The following SRGAP1 variants were observed in gnomAD, a reference collection of about 807,000 sequenced individuals.
SRGAP1 encodes SLIT-ROBO Rho GTPase-activating protein 1.
In SRGAP1, 43 loss-of-function variants were observed where a neutral mutation model predicts 121.9. The ratio of observed to expected loss-of-function variants is 0.35; its 90% CI spans 0.28 to 0.46. The LOEUF is 0.46. SRGAP1 is among the 20% of genes least tolerant of loss of function. The probability of loss-of-function intolerance (pLI) is 1.00; values close to 1 mark genes in which losing one functional copy is unlikely to be tolerated. For synonymous variants in SRGAP1, 447 were observed against 485.4 expected, an observed-to-expected ratio of 0.92 and a Z score of 1.04; for missense variants, 1,102 against 1,350.9, an observed-to-expected ratio of 0.82 and a Z score of 2.89.
chr12:63,982,498 C>A (rs375195830), intron 1 of SRGAP1: 54 of 152,346 alleles, frequency 3.5e-4, no homozygotes, highest in African/African-American at 1.3e-3. Flanking sequence ...CAGAACCTGA[C>A]CACCTTATTC....
intron 4 of SRGAP1, among the ~76,000 whole-genome samples, chr12:64,035,212 T>C (rs985273158): frequency 2.6e-5 from 4 of 152,098 alleles, no homozygotes; most frequent in African/African-American, 9.7e-5. Context: ...ATGAAATATA[T>C]TATCCATTTT....
At chr12:64,009,272 CTG>C (rs553796691) in intron 3 of SRGAP1, among the ~76,000 whole-genome samples, 10 of 152,094 alleles carry the variant, frequency 6.6e-5, no homozygotes, top group Non-Finnish European at 1.3e-4. Flanking sequence ...ACATCAGCCA[CTG>C]AGAATTTATA....
intron 1 of SRGAP1, among the ~76,000 whole-genome samples, chr12:63,894,213 T>C (rs1327893488): frequency 6.6e-6 from 1 of 150,884 alleles, no homozygotes; most frequent in Non-Finnish European, 1.5e-5. Context: ...TTTTCTTTCT[T>C]TTTTTTTTAA....
At chr12:63,893,924 C>T (rs1455293533) in intron 1 of SRGAP1, among the ~76,000 whole-genome samples, 1 of 152,212 alleles carries the variant, frequency 6.6e-6, no homozygotes, top group East Asian at 1.9e-4. Context: ...CTGCAACCTC[C>T]GTCTCCTGGG....
chr12:63,869,087 G>C (rs1899762452), intron 1 of SRGAP1, among the ~76,000 whole-genome samples: 1 of 152,186 alleles, frequency 6.6e-6, no homozygotes, highest in Non-Finnish European at 1.5e-5. Context: ...TATGTATCGT[G>C]TTAAGACACT....
intron 1 of SRGAP1, among the ~76,000 whole-genome samples, chr12:63,919,317 C>T (rs549227886): frequency 1.3e-5 from 2 of 152,096 alleles, no homozygotes; most frequent in Non-Finnish European, 2.9e-5. Context: ...CTTGGCCTCC[C>T]AAGGTGCTGT....
chr12:64,073,310 C>T (rs1234603749), intron 8 of SRGAP1, among the ~76,000 whole-genome samples: 1 of 152,154 alleles, frequency 6.6e-6, no homozygotes, highest in Admixed American at 6.5e-5. Flanking sequence ...GATTTTGATT[C>T]TTCGTATATG....
At chr12:63,928,275 T>C (rs1018594460) in intron 1 of SRGAP1, among the ~76,000 whole-genome samples, 6 of 152,346 alleles carry the variant, frequency 3.9e-5, no homozygotes, top group Non-Finnish European at 7.3e-5. Flanking sequence ...CATTTTCTTA[T>C]GAAGTTAAAT....
At chr12:64,029,831 C>T (rs1036820290) in intron 4 of SRGAP1, among the ~76,000 whole-genome samples, 3 of 67,672 alleles carry the variant, frequency 4.4e-5, no homozygotes, top group Non-Finnish European at 8.8e-5. Context: ...TCACCTGAAC[C>T]CAGGAGGTGG....
intron 8 of SRGAP1, among the ~76,000 whole-genome samples, chr12:64,068,256 G>A (rs1185351253): frequency 2.6e-5 from 3 of 116,918 alleles, no homozygotes; most frequent in Admixed American, 1.1e-4. Context: ...CTGGGCAACA[G>A]AGCAAAACTC....
At chr12:64,046,673 G>A (rs936461828) in intron 6 of SRGAP1, among the ~76,000 whole-genome samples, 10 of 152,120 alleles carry the variant, frequency 6.6e-5, no homozygotes, top group African/African-American at 2.2e-4. Context: ...GCTGAAGCGG[G>A]AGCAGTAGTC....
At chr12:64,097,481 AT>A in intron 15 of SRGAP1, 106 bp downstream of exon 15, 1 of 1,056,284 alleles carries the variant, frequency 9.5e-7, no homozygotes, top group Non-Finnish European at 1.3e-6. Flanking sequence ...CCATTACCCC[AT>A]TACCACCATA....
chr12:63,879,991 C>G (rs1565932746), intron 1 of SRGAP1, among the ~76,000 whole-genome samples: 1 of 152,014 alleles, frequency 6.6e-6, no homozygotes, highest in African/African-American at 2.4e-5. Flanking sequence ...ATTGTAGCTC[C>G]CATAATCTCC....
intron 1 of SRGAP1, chr12:63,888,729 C>G (rs546076358): frequency 6.6e-6 from 1 of 152,322 alleles, no homozygotes; most frequent in Admixed American, 6.5e-5. Context: ...ATAGTACCAC[C>G]TTCTGTTAAT....
At chr12:63,850,047 A>G (rs1899025902) in intron 1 of SRGAP1, among the ~76,000 whole-genome samples, 1 of 152,202 alleles carries the variant, frequency 6.6e-6, no homozygotes, top group South Asian at 2.1e-4. Context: ...CACCAGGACC[A>G]TTTTAAGAGA....
At chr12:63,857,257 T>G (rs1028904654) in intron 1 of SRGAP1, among the ~76,000 whole-genome samples, 1 of 150,908 alleles carries the variant, frequency 6.6e-6, no homozygotes, top group South Asian at 2.1e-4. Context: ...TTTTGTATTT[T>G]TAGTAGAGAT....
intron 1 of SRGAP1, among the ~76,000 whole-genome samples, chr12:63,905,580 A>G (rs1342062501): frequency 3.3e-5 from 5 of 152,256 alleles, no homozygotes; most frequent in Non-Finnish European, 2.9e-5. Flanking sequence ...CAAGTTTAAT[A>G]AGTCAGCTTC....
chr12:64,040,709 C>T (rs563437627), intron 4 of SRGAP1, among the ~76,000 whole-genome samples: 10 of 152,030 alleles, frequency 6.6e-5, no homozygotes, highest in Middle Eastern at 6.9e-3. Context: ...GATTACATAC[C>T]GATTTATAGG....
chr12:64,060,711 G>A (rs1404441467), intron 6 of SRGAP1, among the ~76,000 whole-genome samples: 4 of 152,170 alleles, frequency 2.6e-5, no homozygotes, highest in Non-Finnish European at 5.9e-5. Context: ...GAATTAAACA[G>A]GTTCTAAAGA....
Sources: gnomAD v4.1 joint callset for allele counts (sites outside exome capture counted in the v4.1 genomes callset) on GRCh38, gnomAD v4.1.1 for gene constraint, MANE v1.5 for transcripts, NCBI Gene and HGNC (gene_info 2026-07-23, HGNC 2026-07-21) for gene names.